The following FGF14 variants were observed in gnomAD, a reference collection of about 807,000 sequenced individuals.
The protein encoded by FGF14 is fibroblast growth factor 14, also known as fibroblast growth factor homologous factor 4.
In FGF14, 5 loss-of-function variants were observed where a neutral mutation model predicts 25.5. The ratio of observed to expected loss-of-function variants is 0.20; its 90% CI spans 0.10 to 0.41. The LOEUF is 0.41. FGF14 is among the 10% of genes least tolerant of loss of function. The pLI is 1.00. For missense variants in FGF14, 222 were observed against 320.1 expected (o/e 0.69, Z 2.34); for synonymous variants, 138 against 118.3 (o/e 1.17, Z -1.08).
chr13:101,915,201 A>T (rs1340921628), intron 1 of FGF14, among the ~76,000 whole-genome samples: 1 of 152,252 alleles, frequency 6.6e-6, no homozygotes, highest in East Asian at 1.9e-4. Flanking sequence ...TGTGACAACA[A>T]GAAATTGTCC....
At position 102,040,034 on chromosome 13, in the gene FGF14, A is replaced by T. The variant is rs567451103; in HGVS notation, c.209-164738T>A. On this transcript the variant is annotated intron_variant, in intron 1 of 4. Transcript: ENST00000376131. ...TTCCAGGGCTCTAAAAGTCAAACCA[A>T]ACTACAGGCCTCTCTGAAAATGTTA... Among the ~76,000 whole-genome samples, 32 of 152,216 alleles carry T rather than the reference A, an allele frequency of 2.1e-4. No individual in the cohort carries two copies. The South Asian group carries it at 6.6e-3, about 32-fold the overall frequency.
At chr13:101,876,082 T>A (rs1277856865) in intron 1 of FGF14, among the ~76,000 whole-genome samples, 2 of 152,178 alleles carry the variant, frequency 1.3e-5, no homozygotes, top group Non-Finnish European at 1.5e-5. Flanking sequence ...CAACGGGCAT[T>A]GAGATAGAGG....
chr13:101,868,487 TA>T (rs1373304817), intron 3 of FGF14: 31 of 467,448 alleles, frequency 6.6e-5, no homozygotes, highest in Admixed American at 4.6e-4. Context: ...TATACTAGGT[TA>T]TTTTTTAAAA....
rs958877117 is a variant in FGF14, at chr13:101,901,829, A to G, written c.193+14624T>C. Among the ~76,000 whole-genome samples the G allele has an allele frequency of 6.6e-5, 10 of 152,196 alleles. 1 individual carries two copies. Among genetic ancestry groups the G allele is most frequent in the African/African-American group, 1.2e-4 (5 of 41,440 alleles). On this transcript the variant is annotated intron_variant, in intron 1 of 4. Coordinates refer to ENST00000376143, the MANE Select transcript of FGF14 (RefSeq NM_004115.4). ...TAGATTATATGACCCAGGAAAAATT[A>G]CTTAACATCTGTCAGTTTCCATTCT...
intron 1 of FGF14, among the ~76,000 whole-genome samples, chr13:101,990,147 C>T (rs970536212): frequency 2.6e-5 from 4 of 152,090 alleles, no homozygotes; most frequent in Admixed American, 6.6e-5. Context: ...TTTTATGATT[C>T]GTGGTCTCAC....
At chr13:102,118,137 CAGT>C (rs973627241) in intron 1 of FGF14, among the ~76,000 whole-genome samples, 1 of 151,944 alleles carries the variant, frequency 6.6e-6, no homozygotes, top group Non-Finnish European at 1.5e-5. Context: ...GAAATTTTGA[CAGT>C]AGTTTTGTTA....
chr13:102,366,880 A>C (rs555934649), intron 1 of FGF14, among the ~76,000 whole-genome samples: 8 of 152,308 alleles, frequency 5.3e-5, no homozygotes, highest in African/African-American at 1.9e-4. Context: ...GCTTGCCTAG[A>C]ACTACAAGAT....
intron 1 of FGF14, among the ~76,000 whole-genome samples, chr13:102,146,560 A>T (rs879309848): frequency 6.6e-6 from 1 of 152,156 alleles, no homozygotes; most frequent in Non-Finnish European, 1.5e-5. Flanking sequence ...ACTCTTTTCC[A>T]TGGTCTTTGT....
At chr13:102,311,945 C>G (rs2055789659) in intron 1 of FGF14, among the ~76,000 whole-genome samples, 1 of 152,150 alleles carries the variant, frequency 6.6e-6, no homozygotes, top group African/African-American at 2.4e-5. Context: ...TATTTTCCAA[C>G]ATTTGTTCAA....
intron 1 of FGF14, among the ~76,000 whole-genome samples, chr13:102,333,865 T>C (rs1407217344): frequency 6.6e-6 from 1 of 152,144 alleles, no homozygotes; most frequent in Non-Finnish European, 1.5e-5. Flanking sequence ...CACAGGATGT[T>C]TCTTATTTTG....
intron 1 of FGF14, among the ~76,000 whole-genome samples, chr13:102,081,725 T>A (rs1033206473): frequency 5.9e-5 from 9 of 152,206 alleles, no homozygotes; most frequent in Non-Finnish European, 1.2e-4. Flanking sequence ...TGTGTTTTTG[T>A]CCTCCATGTA....
intron 1 of FGF14, among the ~76,000 whole-genome samples, chr13:102,305,926 T>C (rs374454686): frequency 2.0e-5 from 3 of 152,216 alleles, no homozygotes; most frequent in East Asian, 3.9e-4. Context: ...GGATAATATT[T>C]GGCTTCTCTT....
In FGF14 at chr13:101,866,137, TATTTTA is replaced by T. The variant is rs536310370; in HGVS notation, c.408+2582_408+2587del. Among the ~76,000 whole-genome samples the T allele has an allele frequency of 2.6e-4, 40 of 152,196 alleles. 1 individual carries two copies. In the East Asian group the frequency reaches 6.4e-3, roughly 24 times the overall value. On this transcript the variant is annotated intron_variant, in intron 3 of 4. Coordinates refer to ENST00000376143, the MANE Select transcript of FGF14 (RefSeq NM_004115.4). ...AACTTTTTCTTGACAAATTTTCTAT[TATTTTA>T]ATTTTAACTCAAAAATCTTTAAAGG...
chr13:102,287,705 G>A (rs1269734382), intron 1 of FGF14, among the ~76,000 whole-genome samples: 9 of 152,158 alleles, frequency 5.9e-5, no homozygotes, highest in Non-Finnish European at 1.0e-4. Flanking sequence ...AATTTTAAAA[G>A]TGAGAGATAA....
chr13:101,902,215 T>C (rs1243190805), intron 1 of FGF14, among the ~76,000 whole-genome samples: 1 of 152,186 alleles, frequency 6.6e-6, no homozygotes, highest in African/African-American at 2.4e-5. Flanking sequence ...ATCCCAAGAA[T>C]TCTGGCACCT....
Position 101,724,142 on chromosome 13 carries a change from CTAAT to C in FGF14, c.608-1179_608-1176del, listed in dbSNP as rs994176491. ...ACATTCCAATCCCTCACTCCTATTA[CTAAT>C]TAAATTAGCAGACAAAAGCATGAAG... On this transcript the variant is annotated intron_variant, in intron 4 of 4. Transcript: ENST00000376143. Among the ~76,000 whole-genome samples the C allele has an allele frequency of 2.1e-4, 32 of 152,056 alleles. 1 individual carries two copies. The highest frequency in any genetic ancestry group is 1.8e-3 in the Admixed American group (28 of 15,242).
At chr13:101,943,674 C>G (rs1302165991) in intron 1 of FGF14, among the ~76,000 whole-genome samples, 1 of 152,000 alleles carries the variant, frequency 6.6e-6, no homozygotes, top group African/African-American at 2.4e-5. Context: ...TCAATCTCCT[C>G]CCTTAAAAAT....
chr13:102,265,916 T>A (rs569716600), intron 1 of FGF14, among the ~76,000 whole-genome samples: 3 of 152,070 alleles, frequency 2.0e-5, no homozygotes, highest in South Asian at 2.1e-4. Context: ...GAAAAAAAAA[T>A]TTGTTTACTT....
At chr13:102,088,995 G>A (rs1003763050) in intron 1 of FGF14, among the ~76,000 whole-genome samples, 1 of 152,216 alleles carries the variant, frequency 6.6e-6, no homozygotes, top group South Asian at 2.1e-4. Flanking sequence ...TTCTGTAAAA[G>A]GAAAGTCAAA....
Sources: gnomAD v4.1 joint callset for allele counts (sites outside exome capture counted in the v4.1 genomes callset) on GRCh38, gnomAD v4.1.1 for gene constraint, MANE v1.5 for transcripts, NCBI Gene and HGNC (gene_info 2026-07-23, HGNC 2026-07-21) for gene names.